The following PARD3 variants were observed in gnomAD, a reference collection of about 807,000 sequenced individuals.
PARD3 encodes partitioning defective 3 homolog.
Under a neutral mutation model 155.4 loss-of-function variants are expected in PARD3, and 75 were observed. The ratio of observed to expected loss-of-function variants is 0.48; its 90% CI spans 0.40 to 0.58. The LOEUF (loss-of-function observed/expected upper bound fraction) is 0.58, where lower values mean the gene tolerates loss of function less well. PARD3 is among the 20% of genes least tolerant of loss of function. PARD3 has a pLI of 0.00. For synonymous variants in PARD3, 576 were observed against 610.5 expected (o/e 0.94, Z 0.83); for missense variants, 1,642 against 1,721.7 (o/e 0.95, Z 0.82).
chr10:34,231,704 G>A (rs1952943139), intron 22 of PARD3, among the ~76,000 whole-genome samples: 1 of 151,800 alleles, frequency 6.6e-6, no homozygotes, highest in Admixed American at 6.6e-5. Flanking sequence ...TCTGTGCTCA[G>A]ATGACAGCTA....
chr10:34,223,627 C>T (rs1952432579), intron 22 of PARD3, among the ~76,000 whole-genome samples: 1 of 152,140 alleles, frequency 6.6e-6, no homozygotes, highest in South Asian at 2.1e-4. Context: ...TCAAGAGATA[C>T]CATATGAGCT....
At chr10:34,553,396 C>A (rs1297743201) in intron 2 of PARD3, among the ~76,000 whole-genome samples, 4 of 152,058 alleles carry the variant, frequency 2.6e-5, no homozygotes, top group Non-Finnish European at 5.9e-5. Context: ...GAAGTTAAGG[C>A]CTTTGAAAGT....
intron 22 of PARD3, among the ~76,000 whole-genome samples, chr10:34,135,775 A>G (rs1692694): frequency 0.49 from 74,308 of 152,036 alleles, 19,562 homozygotes; most frequent in Non-Finnish European, 0.6. Context: ...GAACCATTCA[A>G]AGAGCTTGTT....
chr10:34,282,047 C>G (rs1442080384), intron 21 of PARD3, among the ~76,000 whole-genome samples: 1 of 151,330 alleles, frequency 6.6e-6, no homozygotes, highest in Middle Eastern at 3.2e-3. Context: ...ACTGCCAATA[C>G]CACAGACAGA....
At chr10:34,729,449 T>G (rs2094777573) in intron 1 of PARD3, among the ~76,000 whole-genome samples, 1 of 150,930 alleles carries the variant, frequency 6.6e-6, no homozygotes, top group African/African-American at 2.4e-5. Context: ...GAGAACCACT[T>G]GAACCCAGCA....
chr10:34,181,645 G>A (rs1024694626), intron 22 of PARD3, among the ~76,000 whole-genome samples: 11 of 152,046 alleles, frequency 7.2e-5, no homozygotes, highest in African/African-American at 2.7e-4. Flanking sequence ...TCTGAAATTA[G>A]TTAACACTAG....
intron 5 of PARD3, among the ~76,000 whole-genome samples, chr10:34,416,397 G>A (rs773261452): frequency 1.3e-5 from 2 of 152,262 alleles, no homozygotes; most frequent in African/African-American, 2.4e-5. Flanking sequence ...GGGCAGGGGG[G>A]ACTTTGCAGA....
chr10:34,145,189 G>GTATATATATA (rs575139416), intron 22 of PARD3, among the ~76,000 whole-genome samples: 14 of 49,612 alleles, frequency 2.8e-4, no homozygotes, highest in African/African-American at 5.4e-4. Context: ...GTGTGTGTGT[G>GTATATATATA]TATATATATA....
At chr10:34,760,587 C>T (rs7895074) in intron 1 of PARD3, among the ~76,000 whole-genome samples, 38,466 of 152,188 alleles carry the variant, frequency 0.25, 5,353 homozygotes, top group East Asian at 0.54. Flanking sequence ...CCGCCTCAGC[C>T]TCCCAAAGCG....
At position 34,384,961 on chromosome 10, in the gene PARD3, A is replaced by G. The variant is rs376523033; in HGVS notation, c.891-707T>C. 1.3e-3 allele frequency among the ~76,000 whole-genome samples: 197 copies of G among 152,274 alleles called. 2 individuals are homozygous for G. The highest frequency in any genetic ancestry group is 4.5e-3 in the African/African-American group (187 of 41,552). Reference sequence around the variant, plus strand: ...CATATGTACTCACTCAGGTTGAAAGAAAAGTGTGAATGACCTTTGAGAGAC... The same window carrying G: ...CATATGTACTCACTCAGGTTGAAAGGAAAGTGTGAATGACCTTTGAGAGAC... On this transcript the variant is annotated intron_variant, in intron 7 of 24. Coordinates refer to ENST00000374788, the MANE Select transcript of PARD3 (RefSeq NM_001184785.2).
At chr10:34,306,222 A>G (rs1589124052) in intron 20 of PARD3, among the ~76,000 whole-genome samples, 1 of 140,938 alleles carries the variant, frequency 7.1e-6, no homozygotes, top group Admixed American at 7.3e-5. Flanking sequence ...CAGAGGTTGC[A>G]GTGGGCTGAG....
chr10:34,767,916 T>C (rs1162493546), intron 1 of PARD3, among the ~76,000 whole-genome samples: 1 of 151,824 alleles, frequency 6.6e-6, no homozygotes, highest in Non-Finnish European at 1.5e-5. Context: ...AGTGAGACTC[T>C]GTCTCAAAAA....
intron 2 of PARD3, among the ~76,000 whole-genome samples, chr10:34,639,970 C>T (rs1346105820): frequency 2.0e-5 from 3 of 152,200 alleles, no homozygotes; most frequent in African/African-American, 7.2e-5. Flanking sequence ...TCATTAAACA[C>T]CATGTTACAT....
chr10:34,150,413 C>G (rs73266842), intron 22 of PARD3, among the ~76,000 whole-genome samples: 17 of 152,294 alleles, frequency 1.1e-4, no homozygotes, highest in African/African-American at 3.9e-4. Context: ...GAGAAGAGGG[C>G]TGGAGATATA....
chr10:34,590,896 A>G (rs2088615718), intron 2 of PARD3, among the ~76,000 whole-genome samples: 1 of 152,174 alleles, frequency 6.6e-6, no homozygotes. Context: ...CAAATGCTGG[A>G]AAAAATCTCT....
In PARD3 at chr10:34,552,667, C is replaced by T. The variant is rs542876517; in HGVS notation, c.223-35508G>A. Among the ~76,000 whole-genome samples, 11 of 151,788 alleles carry T rather than the reference C, an allele frequency of 7.2e-5. No homozygotes were observed. In the East Asian group the frequency reaches 1.4e-3, roughly 19 times the overall value. On this transcript the variant is annotated intron_variant, in intron 2 of 24. Transcript: ENST00000374788. ...AAGCGGAGGTTACAGTGAGCTGAGG[C>T]CTCACCATTGCACTCCAGCCTGGGC... is the stretch of plus-strand genomic sequence containing the variant.
intron 2 of PARD3, among the ~76,000 whole-genome samples, chr10:34,681,710 A>C (rs2093824716): frequency 8.6e-6 from 1 of 115,816 alleles, no homozygotes; most frequent in African/African-American, 3.2e-5. Context: ...TATTTTATAT[A>C]TGTATTTTAC....
chr10:34,780,702 A>C (rs1360396122), intron 1 of PARD3, among the ~76,000 whole-genome samples: 3 of 152,196 alleles, frequency 2.0e-5, no homozygotes, highest in Non-Finnish European at 2.9e-5. Flanking sequence ...GCAGTTTTTT[A>C]CAGAAGCTGT....
intron 2 of PARD3, among the ~76,000 whole-genome samples, chr10:34,608,846 AAACT>A (rs1208525300): frequency 1.3e-5 from 2 of 152,116 alleles, no homozygotes; most frequent in African/African-American, 2.4e-5. Context: ...CAAATTTTTA[AAACT>A]AACAGGGTAT....
Sources: allele counts gnomAD v4.1 joint callset (sites outside exome capture counted in the v4.1 genomes callset), GRCh38; gene constraint gnomAD v4.1.1; transcripts MANE v1.5; gene names NCBI Gene and HGNC (gene_info 2026-07-23, HGNC 2026-07-21).